TMEM232: variants seen among roughly 807,000 people sequenced by gnomAD.
TMEM232 encodes the protein transmembrane protein 232.
A neutral mutation model predicts 78.8 loss-of-function variants in TMEM232; 80 were observed. That is an observed-to-expected ratio of 1.01 (90% confidence interval 0.85 to 1.22). The LOEUF (loss-of-function observed/expected upper bound fraction) is 1.22, where lower values mean the gene tolerates loss of function less well. TMEM232 is among the 50% of genes most tolerant of loss of function. The pLI, the probability that TMEM232 is intolerant of heterozygous loss-of-function variation, is 0.00. For missense variants in TMEM232, 881 were observed against 742.2 expected (o/e 1.19, Z -2.17); for synonymous variants, 297 against 254.3 (o/e 1.17, Z -1.60).
At chr5:110,711,198 C>T (rs1014699518) in intron 1 of TMEM232, among the ~76,000 whole-genome samples, 1 of 151,932 alleles carries the variant, frequency 6.6e-6, no homozygotes, top group African/African-American at 2.4e-5. Flanking sequence ...TAGGTATTAA[C>T]CAAAGAAATG....
chr5:110,493,076 G>A (rs1765280835), intron 12 of TMEM232, among the ~76,000 whole-genome samples: 1 of 151,600 alleles, frequency 6.6e-6, no homozygotes, highest in South Asian at 2.1e-4. Flanking sequence ...ATGACAATTT[G>A]TAAACAACAA....
At chr5:110,467,811 CCTT>C (rs1762240331) in intron 12 of TMEM232, among the ~76,000 whole-genome samples, 1 of 151,904 alleles carries the variant, frequency 6.6e-6, no homozygotes, top group African/African-American at 2.4e-5. Flanking sequence ...CCACATGGCT[CCTT>C]CTGTGAGCTA....
intron 1 of TMEM232, among the ~76,000 whole-genome samples, chr5:110,671,313 G>T (rs11743613): frequency 3.3e-5 from 5 of 152,142 alleles, no homozygotes; most frequent in Middle Eastern, 3.4e-3. Flanking sequence ...GTGTAAATTA[G>T]GTCAACCATT....
At chr5:110,616,500 A>G (rs1782942771) in intron 8 of TMEM232, among the ~76,000 whole-genome samples, 1 of 152,080 alleles carries the variant, frequency 6.6e-6, no homozygotes, top group Non-Finnish European at 1.5e-5. Flanking sequence ...AAATATGTGC[A>G]AACCATACAT....
intron 2 of TMEM232, among the ~76,000 whole-genome samples, chr5:110,644,288 C>T (rs919102321): frequency 3.3e-5 from 5 of 151,712 alleles, no homozygotes; most frequent in Non-Finnish European, 7.4e-5. Flanking sequence ...CATAAAGTGT[C>T]CAAAATAACT....
chr5:110,471,410 G>A (rs1443589204), intron 12 of TMEM232, among the ~76,000 whole-genome samples: 1 of 151,956 alleles, frequency 6.6e-6, no homozygotes, highest in Non-Finnish European at 1.5e-5. Flanking sequence ...GAAGCTCAAA[G>A]GTCCCCAAGC....
intron 12 of TMEM232, among the ~76,000 whole-genome samples, chr5:110,506,416 T>A (rs1766914804): frequency 6.6e-6 from 1 of 152,156 alleles, no homozygotes; most frequent in East Asian, 1.9e-4. Flanking sequence ...CCCAATAGAA[T>A]CTAAATGCAA....
At chr5:110,514,941 G>A (rs540951585) in intron 12 of TMEM232, among the ~76,000 whole-genome samples, 19 of 152,192 alleles carry the variant, frequency 1.2e-4, no homozygotes, top group African/African-American at 4.1e-4. Context: ...AAAATCATAC[G>A]GCAGAAATTG....
intron 12 of TMEM232, among the ~76,000 whole-genome samples, chr5:110,459,529 G>A (rs988995404): frequency 6.6e-6 from 1 of 152,052 alleles, no homozygotes; most frequent in Non-Finnish European, 1.5e-5. Context: ...AAAGTAAAAA[G>A]CTCTTTTAGG....
At chr5:110,655,359 C>T (rs1199505277) in intron 2 of TMEM232, among the ~76,000 whole-genome samples, 14 of 149,584 alleles carry the variant, frequency 9.4e-5, no homozygotes, top group African/African-American at 3.2e-4. Context: ...CAATGAGATA[C>T]CATCTCACAC....
chr5:110,447,434 G>A (rs1005587691), intron 12 of TMEM232, among the ~76,000 whole-genome samples: 3 of 151,820 alleles, frequency 2.0e-5, no homozygotes, highest in Non-Finnish European at 4.4e-5. Context: ...GTATAGAGAG[G>A]GACACGAGCA....
At chr5:110,587,262 T>G (rs2149752668) in intron 10 of TMEM232, among the ~76,000 whole-genome samples, 1 of 151,866 alleles carries the variant, frequency 6.6e-6, no homozygotes, top group South Asian at 2.1e-4. Context: ...CAGCACAAAA[T>G]ACACCAGGTG....
Position 110,420,598 on chromosome 5 carries a change from A to G in TMEM232, c.1956T>C (p.Tyr652=), listed in dbSNP as rs1303593891. 2.0e-6 allele frequency: 3 copies of G among 1,479,062 alleles called. No homozygotes were observed. Among genetic ancestry groups the G allele is most frequent in the African/African-American group, 1.5e-5 (1 of 68,698 alleles). The allele number at this position is 1,479,062 out of a possible 1,614,324, so 91.6% of individuals were successfully genotyped here. ...TTTCTAATTAAATTACTTCCTTCCT[A>G]TAAGGAAGTTCATAGGGCTTGGTTT... The part of the protein sequence containing the change: ...HKQTKPYELP[Y]RKEVI Residue 652 remains tyrosine (Y), a synonymous_variant, in exon 14 of 14, where the codon TAT becomes TAC. Transcript: ENST00000455884.
rs146662227 is a variant in TMEM232 at position 110,619,881 on chromosome 5, T to C, written c.769-1319A>G. ...TGTATACATATGTAACAAACCTGCA[T>C]GTTGTGCACATGTACCCTAGAACTT... On this transcript the variant is annotated intron_variant, in intron 7 of 13. Coordinates refer to ENST00000455884, the MANE Select transcript of TMEM232 (RefSeq NM_001039763.4). 9.2e-3 allele frequency among the ~76,000 whole-genome samples: 1,403 copies of C among 152,028 alleles called. 21 individuals carry two copies. Among genetic ancestry groups the C allele is most frequent in the African/African-American group, 0.032 (1,331 of 41,488 alleles).
At chr5:110,672,022 A>C (rs1791416280) in intron 1 of TMEM232, among the ~76,000 whole-genome samples, 1 of 152,182 alleles carries the variant, frequency 6.6e-6, no homozygotes, top group African/African-American at 2.4e-5. Context: ...GAAAAGAAAA[A>C]AATACAGGCC....
chr5:110,471,663 T>G (rs1321493618), intron 12 of TMEM232, among the ~76,000 whole-genome samples: 1 of 150,698 alleles, frequency 6.6e-6, no homozygotes, highest in Non-Finnish European at 1.5e-5. Context: ...AAGAATTCTA[T>G]ACCTAGCAGA....
At chr5:110,520,037 G>GTA (rs778212998) in intron 12 of TMEM232, among the ~76,000 whole-genome samples, 179 of 148,286 alleles carry the variant, frequency 1.2e-3, no homozygotes, top group Middle Eastern at 3.5e-3. Flanking sequence ...ATATATTTAT[G>GTA]TATATATATA....
chr5:110,432,952 T>G (rs1758023612), intron 12 of TMEM232, among the ~76,000 whole-genome samples: 1 of 151,804 alleles, frequency 6.6e-6, no homozygotes, highest in African/African-American at 2.4e-5. Flanking sequence ...TAACTATATA[T>G]GCACTCAATA....
intron 5 of TMEM232, among the ~76,000 whole-genome samples, chr5:110,628,235 A>T (rs1228870650): frequency 1.3e-5 from 2 of 152,108 alleles, no homozygotes; most frequent in Non-Finnish European, 2.9e-5. Context: ...GAGAAGAAAA[A>T]ATATATTTTA....
Sources: gnomAD v4.1 joint callset for allele counts (sites outside exome capture counted in the v4.1 genomes callset) on GRCh38, gnomAD v4.1.1 for gene constraint, MANE v1.5 for transcripts, NCBI Gene and HGNC (gene_info 2026-07-23, HGNC 2026-07-21) for gene names.